The following GRIN2A variants were observed in gnomAD, a reference collection of about 807,000 sequenced individuals.
GRIN2A encodes glutamate ionotropic receptor NMDA type subunit 2A.
Under a neutral mutation model 113.4 loss-of-function variants are expected in GRIN2A, and 22 were observed. That is an observed-to-expected ratio of 0.19 (90% CI 0.14 to 0.28). GRIN2A has a LOEUF of 0.28. Ranked by LOEUF, GRIN2A falls within the 10% of genes least tolerant of loss-of-function variation. The probability of loss-of-function intolerance (pLI) is 1.00; values close to 1 mark genes in which losing one functional copy is unlikely to be tolerated. For synonymous variants in GRIN2A, 827 were observed against 738.4 expected (o/e 1.12, Z -1.94); for missense variants, 1,502 against 1,887.0 (o/e 0.80, Z 3.78).
intron 2 of GRIN2A, among the ~76,000 whole-genome samples, chr16:10,084,105 C>G (rs988545050): frequency 6.6e-6 from 1 of 152,164 alleles, no homozygotes; most frequent in African/African-American, 2.4e-5. Context: ...TGTCTAACAA[C>G]AACAACAAAA....
At chr16:9,766,427 A>G (rs774503147) in intron 12 of GRIN2A, among the ~76,000 whole-genome samples, 5 of 152,160 alleles carry the variant, frequency 3.3e-5, no homozygotes, top group Non-Finnish European at 4.4e-5. Context: ...AAAAGCCTAC[A>G]GTTGCAAGTT....
At chr16:10,043,475 C>A (rs1286449219) in intron 2 of GRIN2A, among the ~76,000 whole-genome samples, 1 of 152,194 alleles carries the variant, frequency 6.6e-6, no homozygotes, top group Non-Finnish European at 1.5e-5. Context: ...AAACATTATC[C>A]TCTGCCATGA....
chr16:9,778,363 G>A (rs1338683278), intron 11 of GRIN2A, among the ~76,000 whole-genome samples: 1 of 152,166 alleles, frequency 6.6e-6, no homozygotes. Flanking sequence ...AGCTGACATG[G>A]CTTAAAAGGC....
chr16:10,154,130 G>A (rs1596559101), intron 2 of GRIN2A, among the ~76,000 whole-genome samples: 1 of 152,090 alleles, frequency 6.6e-6, no homozygotes, highest in South Asian at 2.1e-4. Context: ...GTGAGCTGAA[G>A]CCCTTAAGAG....
intron 3 of GRIN2A, among the ~76,000 whole-genome samples, chr16:9,920,816 C>G (rs950861535): frequency 2.0e-5 from 3 of 152,110 alleles, no homozygotes; most frequent in Admixed American, 2.0e-4. Flanking sequence ...GCCTCCCAAA[C>G]TTTTAAAATC....
At chr16:9,988,343 A>G (rs1391866398) in intron 2 of GRIN2A, among the ~76,000 whole-genome samples, 3 of 151,938 alleles carry the variant, frequency 2.0e-5, no homozygotes, top group Admixed American at 6.6e-5. Flanking sequence ...ACACATTTTT[A>G]AATTTTTAAT....
intron 11 of GRIN2A, among the ~76,000 whole-genome samples, chr16:9,788,691 TC>T (rs1456561080): frequency 6.6e-6 from 1 of 151,718 alleles, no homozygotes; most frequent in African/African-American, 2.4e-5. Context: ...GTTCTCATCT[TC>T]ATCTTCTCCC....
intron 2 of GRIN2A, among the ~76,000 whole-genome samples, chr16:10,132,627 C>T (rs2049090868): frequency 6.6e-6 from 1 of 152,218 alleles, no homozygotes; most frequent in Non-Finnish European, 1.5e-5. Flanking sequence ...AGAGCCACCA[C>T]TAACTAGATC....
chr16:10,123,670 G>A (rs1448249), intron 2 of GRIN2A, among the ~76,000 whole-genome samples: 100,442 of 151,764 alleles, frequency 0.66, 34,567 homozygotes, highest in East Asian at 0.95. Flanking sequence ...CTGAGATTCT[G>A]CATTCAGGTT....
chr16:9,976,227 C>T (rs991184439), intron 2 of GRIN2A, among the ~76,000 whole-genome samples: 2 of 152,174 alleles, frequency 1.3e-5, no homozygotes, highest in African/African-American at 4.8e-5. Context: ...ATCATTAAAT[C>T]CTGGCCAGAC....
intron 2 of GRIN2A, among the ~76,000 whole-genome samples, chr16:9,943,507 G>A (rs1210766385): frequency 3.3e-5 from 5 of 152,140 alleles, no homozygotes; most frequent in Admixed American, 1.3e-4. Context: ...ACCAAAGCCT[G>A]GTGTTTCCTA....
chr16:10,178,026 G>C (rs1473603205), intron 2 of GRIN2A, among the ~76,000 whole-genome samples: 3 of 152,190 alleles, frequency 2.0e-5, no homozygotes, highest in Non-Finnish European at 4.4e-5. Flanking sequence ...TCTCCATTGG[G>C]TTGTGCCAAA....
intron 2 of GRIN2A, among the ~76,000 whole-genome samples, chr16:9,992,298 G>C (rs1418211602): frequency 6.6e-6 from 1 of 152,136 alleles, no homozygotes; most frequent in Non-Finnish European, 1.5e-5. Context: ...GAGGAAGCTG[G>C]ATGAGGTAAA....
At chr16:10,144,667 A>G (rs1030451658) in intron 2 of GRIN2A, among the ~76,000 whole-genome samples, 1 of 152,160 alleles carries the variant, frequency 6.6e-6, no homozygotes, top group Non-Finnish European at 1.5e-5. Context: ...TCATTGCAGC[A>G]TTATTCAGAA....
intron 4 of GRIN2A, among the ~76,000 whole-genome samples, chr16:9,874,158 CAG>C (rs2043320100): frequency 6.6e-6 from 1 of 152,172 alleles, no homozygotes; most frequent in African/African-American, 2.4e-5. Context: ...CAGGCCCACT[CAG>C]TCTTTCTAAT....
chr16:9,872,253 G>A lies in GRIN2A; in HGVS notation c.1122+18733C>T, dbSNP rs774650352. Among the ~76,000 whole-genome samples, 36 of 152,272 alleles carry A rather than the reference G, an allele frequency of 2.4e-4. 1 individual carries two copies. Among genetic ancestry groups the A allele is most frequent in the African/African-American group, 1.2e-4 (5 of 41,568 alleles). On this transcript the variant is annotated intron_variant, in intron 4 of 12. Transcript: ENST00000330684. ...GTTACCCCTGGCCAAACTCAACAGCGTAAATGTTGATCAAACTCGCTCTCT... is the reference window on the plus strand; with the variant it reads ...GTTACCCCTGGCCAAACTCAACAGCATAAATGTTGATCAAACTCGCTCTCT...
intron 2 of GRIN2A, among the ~76,000 whole-genome samples, chr16:9,989,089 C>T (rs1212043550): frequency 1.3e-5 from 2 of 152,128 alleles, no homozygotes; most frequent in Non-Finnish European, 2.9e-5. Flanking sequence ...ATGGGCAAGG[C>T]AATCCTAAGC....
chr16:9,967,498 G>A (rs2045579414), intron 2 of GRIN2A, among the ~76,000 whole-genome samples: 1 of 152,212 alleles, frequency 6.6e-6, no homozygotes, highest in African/African-American at 2.4e-5. Context: ...TTGAGGTCAG[G>A]AGTTTGAGAC....
At chr16:9,985,661 T>C (rs902895347) in intron 2 of GRIN2A, among the ~76,000 whole-genome samples, 6 of 151,848 alleles carry the variant, frequency 4.0e-5, no homozygotes, top group Admixed American at 1.3e-4. Flanking sequence ...ATTGAACTCA[T>C]GGAGGTAGAG....
Sources: gnomAD v4.1 joint callset for allele counts (sites outside exome capture counted in the v4.1 genomes callset) on GRCh38, gnomAD v4.1.1 for gene constraint, MANE v1.5 for transcripts, NCBI Gene and HGNC (gene_info 2026-07-23, HGNC 2026-07-21) for gene names.